RAB11FIP4: variants seen among roughly 807,000 people sequenced by gnomAD.
RAB11FIP4 encodes the protein rab11 family-interacting protein 4.
In RAB11FIP4, 23 loss-of-function variants were observed where a neutral mutation model predicts 74.3. The observed-to-expected ratio is 0.31, with a 90% confidence interval of 0.22 to 0.44. The LOEUF (loss-of-function observed/expected upper bound fraction) is 0.44, where lower values mean the gene tolerates loss of function less well. RAB11FIP4 is among the 20% of genes least tolerant of loss of function. The pLI is 1.00. For synonymous variants in RAB11FIP4, 360 were observed against 359.9 expected, an observed-to-expected ratio of 1.00 and a Z score of 0.00; for missense variants, 630 against 863.9, an observed-to-expected ratio of 0.73 and a Z score of 3.39.
chr17:31,468,699 G>A (rs2071709745), intron 3 of RAB11FIP4, among the ~76,000 whole-genome samples: 1 of 152,048 alleles, frequency 6.6e-6, no homozygotes, highest in African/African-American at 2.4e-5. Context: ...GTGTGGTGGT[G>A]GGCACCTGTA....
intron 3 of RAB11FIP4, among the ~76,000 whole-genome samples, chr17:31,469,353 G>C (rs1397216780): frequency 6.6e-6 from 1 of 152,184 alleles, no homozygotes. Flanking sequence ...GGCAAGGCCA[G>C]GCACGGTGGC....
intron 3 of RAB11FIP4, among the ~76,000 whole-genome samples, chr17:31,441,455 T>G (rs1661119101): frequency 2.0e-5 from 3 of 152,190 alleles, no homozygotes; most frequent in Admixed American, 2.0e-4. Context: ...ACAACTGATG[T>G]ATAGGATAGG....
intron 3 of RAB11FIP4, chr17:31,501,807 C>A: frequency 5.6e-6 from 1 of 178,136 alleles, no homozygotes; most frequent in Non-Finnish European, 1.3e-5. Flanking sequence ...CGCACCCAGC[C>A]CATCCCACGC....
rs1172465012 is a variant in RAB11FIP4 at position 31,535,815 on chromosome 17, C to T, written c.*4083C>T. The T allele has an allele frequency of 6.6e-6, 1 of 152,270 alleles. No homozygotes were observed. The highest frequency in any genetic ancestry group is 1.5e-5 in the Non-Finnish European group (1 of 68,078). The allele number at this position is 152,270 out of a possible 1,614,324, so 9.4% of individuals were successfully genotyped here. A position where few individuals can be genotyped will look rare whatever the true frequency, so the allele number is the denominator to read the frequency against. On this transcript the variant is annotated 3_prime_UTR_variant, in exon 15 of 15. Coordinates refer to ENST00000621161, the MANE Select transcript of RAB11FIP4 (RefSeq NM_032932.6). ...TAGAACAGAGTCAGCAGGGAACTGA[C>T]AGGTGGGGCTGTCCCCCTGAAAGCA... is the stretch of plus-strand genomic sequence containing the variant.
At chr17:31,465,301 C>G (rs952294063) in intron 3 of RAB11FIP4, among the ~76,000 whole-genome samples, 2 of 151,960 alleles carry the variant, frequency 1.3e-5, no homozygotes, top group African/African-American at 4.8e-5. Context: ...ATGCAGATTC[C>G]TAGGCCCCAT....
chr17:31,411,886 G>A (rs1031568094), intron 1 of RAB11FIP4, among the ~76,000 whole-genome samples: 2 of 152,254 alleles, frequency 1.3e-5, no homozygotes, highest in Admixed American at 6.5e-5. Flanking sequence ...GAGAGGAAGC[G>A]AGGGCTAGAA....
intron 1 of RAB11FIP4, among the ~76,000 whole-genome samples, chr17:31,396,212 A>G (rs1342076560): frequency 9.0e-6 from 1 of 110,588 alleles, no homozygotes; most frequent in African/African-American, 2.5e-5. Flanking sequence ...AGAAAAGAAA[A>G]GAAAAGAAAG....
At chr17:31,493,521 C>A (rs750422126) in intron 3 of RAB11FIP4, among the ~76,000 whole-genome samples, 1 of 152,126 alleles carries the variant, frequency 6.6e-6, no homozygotes, top group Non-Finnish European at 1.5e-5. Flanking sequence ...GCACCAGACT[C>A]AAGTCTCCCT....
intron 3 of RAB11FIP4, among the ~76,000 whole-genome samples, chr17:31,448,939 C>T (rs770054196): frequency 1.3e-5 from 2 of 152,118 alleles, no homozygotes; most frequent in East Asian, 1.9e-4. Flanking sequence ...AAATCAGAGT[C>T]GTCAGCCTGA....
chr17:31,405,647 C>G (rs767073683), intron 1 of RAB11FIP4, among the ~76,000 whole-genome samples: 28 of 152,130 alleles, frequency 1.8e-4, no homozygotes, highest in Non-Finnish European at 3.5e-4. Flanking sequence ...TGCTACCGCA[C>G]CCAGCCTGCT....
intron 3 of RAB11FIP4, among the ~76,000 whole-genome samples, chr17:31,448,747 G>C (rs1383686164): frequency 6.6e-6 from 1 of 151,992 alleles, no homozygotes; most frequent in Non-Finnish European, 1.5e-5. Flanking sequence ...CCCTGAACCT[G>C]TAAGAATCCT....
intron 3 of RAB11FIP4, among the ~76,000 whole-genome samples, chr17:31,451,649 T>G (rs1331566010): frequency 6.6e-6 from 1 of 152,090 alleles, no homozygotes; most frequent in Non-Finnish European, 1.5e-5. Context: ...ACCTGTTTTC[T>G]GTTCCTCAAA....
At chr17:31,517,191 CGGGGGGGGGGGCGGTGG>C (rs1175577233) in intron 3 of RAB11FIP4, among the ~76,000 whole-genome samples, 76 of 42,778 alleles carry the variant, frequency 1.8e-3, no homozygotes, top group Admixed American at 5.7e-3. Flanking sequence ...GGAGGCGGTG[CGGGGGGGGGGGCGGTGG>C]GGGGGGCGGG....
chr17:31,506,581 C>T (rs1002520758), intron 3 of RAB11FIP4, among the ~76,000 whole-genome samples: 1 of 152,220 alleles, frequency 6.6e-6, no homozygotes, highest in African/African-American at 2.4e-5. Flanking sequence ...CACCATTCTA[C>T]TTTCTACTTC....
At chr17:31,395,116 AC>A (rs935316921) in intron 1 of RAB11FIP4, among the ~76,000 whole-genome samples, 2 of 152,110 alleles carry the variant, frequency 1.3e-5, no homozygotes, top group African/African-American at 4.8e-5. Context: ...TTTACCACCT[AC>A]CCCCAGAATA....
intron 1 of RAB11FIP4, among the ~76,000 whole-genome samples, chr17:31,412,681 C>T (rs2071109651): frequency 6.6e-6 from 1 of 152,184 alleles, no homozygotes; most frequent in Admixed American, 6.5e-5. Context: ...TGTCCCCAGC[C>T]CCTGGCTAGA....
intron 3 of RAB11FIP4, among the ~76,000 whole-genome samples, chr17:31,511,094 G>A (rs1041637234): frequency 7.2e-5 from 11 of 152,268 alleles, no homozygotes; most frequent in Middle Eastern, 3.4e-3. Flanking sequence ...TGCTTAGGAT[G>A]TGTAGCAGCT....
chr17:31,401,144 C>T (rs554620778), intron 1 of RAB11FIP4, among the ~76,000 whole-genome samples: 5 of 152,182 alleles, frequency 3.3e-5, no homozygotes, highest in Admixed American at 6.5e-5. Context: ...TGGTGGTGGG[C>T]GACTGTAGTC....
chr17:31,523,647 A>G (rs1485287773), intron 8 of RAB11FIP4, 36 bp downstream of exon 8: 11 of 1,557,510 alleles, frequency 7.1e-6, no homozygotes, highest in East Asian at 2.2e-5. Context: ...GACTGAATGC[A>G]TGCCTGCTCC....
Sources: allele counts gnomAD v4.1 joint callset (sites outside exome capture counted in the v4.1 genomes callset), GRCh38; gene constraint gnomAD v4.1.1; transcripts MANE v1.5; gene names NCBI Gene and HGNC (gene_info 2026-07-23, HGNC 2026-07-21).